Variants in NKIRAS1 observed in about 807,000 individuals in gnomAD.
The protein encoded by NKIRAS1 is NF-kappa-B inhibitor-interacting Ras-like protein 1.
A neutral mutation model predicts 19.8 loss-of-function variants in NKIRAS1; 16 were observed. That is an observed-to-expected ratio of 0.81 (90% CI 0.55 to 1.23). NKIRAS1 has a LOEUF of 1.23. Ranked by LOEUF, NKIRAS1 falls within the 50% of genes most tolerant of loss-of-function variation. NKIRAS1 has a pLI of 0.00. For synonymous variants in NKIRAS1, 88 were observed against 79.0 expected (o/e 1.11, Z -0.61); for missense variants, 184 against 220.0 (o/e 0.84, Z 1.04).
chr3:23,890,623 T>C lies in NKIRAS1; in HGVS notation c.*2472A>G, dbSNP rs535558556. On this transcript the variant is annotated 3_prime_UTR_variant, in exon 5 of 5. Coordinates refer to ENST00000425478, the MANE Select transcript of NKIRAS1 (RefSeq NM_020345.4). ...GCTACATAAATTGGGGTTTCACAAT[T>C]CTTACATTATTTGTCTGTCACAGAA... 6.2e-7 allele frequency: 1 copy of C among 1,610,456 alleles called. No homozygotes were observed. The highest frequency in any genetic ancestry group is 2.2e-5 in the East Asian group (1 of 44,766).
chr3:23,919,789 G>T, upstream of NKIRAS1: 1 of 1,108,422 alleles, frequency 9.0e-7, no homozygotes, highest in Non-Finnish European at 1.1e-6. Context: ...TAAAAGGAGA[G>T]AACTGAAACT....
upstream of NKIRAS1, chr3:23,919,076 A>G (rs1704905674): frequency 7.3e-6 from 5 of 681,710 alleles, no homozygotes; most frequent in Non-Finnish European, 1.3e-5. Context: ...CTTAGTAAAT[A>G]ACTTGAGTAG....
intron 4 of NKIRAS1, among the ~76,000 whole-genome samples, chr3:23,894,306 T>C (rs1193207047): frequency 6.6e-6 from 1 of 152,232 alleles, no homozygotes; most frequent in Non-Finnish European, 1.5e-5. Flanking sequence ...CAAAGGCCTC[T>C]CTGAGGAGCA....
intron 1 of NKIRAS1, among the ~76,000 whole-genome samples, chr3:23,925,122 G>A (rs1298567406): frequency 1.3e-5 from 2 of 152,182 alleles, no homozygotes; most frequent in Non-Finnish European, 2.9e-5. Flanking sequence ...CCAGTGCTTG[G>A]AAGGAGAGAG....
chr3:23,916,567 G>A (rs1487714707), intron 1 of NKIRAS1: 1 of 152,284 alleles, frequency 6.6e-6, no homozygotes, highest in Non-Finnish European at 1.5e-5. Flanking sequence ...ACGCAGTCTG[G>A]AGCTGAAGGG....
chr3:23,942,269 G>C (rs1300823714), intron 1 of NKIRAS1, among the ~76,000 whole-genome samples: 2 of 151,976 alleles, frequency 1.3e-5, no homozygotes, highest in African/African-American at 2.4e-5. Flanking sequence ...GTGAGCCACC[G>C]CGCCTGGCCT....
chr3:23,893,918 A>T (rs1701709786), intron 4 of NKIRAS1, among the ~76,000 whole-genome samples: 1 of 151,622 alleles, frequency 6.6e-6, no homozygotes, highest in Non-Finnish European at 1.5e-5. Context: ...TAGGATACAG[A>T]CTGGTTTCAA....
At chr3:23,925,658 A>AAATAAATG (rs1705200671) in intron 1 of NKIRAS1, among the ~76,000 whole-genome samples, 1 of 152,088 alleles carries the variant, frequency 6.6e-6, no homozygotes, top group Admixed American at 6.6e-5. Context: ...ATAAATAAAT[A>AAATAAATG]AATGTACTTT....
chr3:23,897,456 C>T (rs1435513593), intron 4 of NKIRAS1, among the ~76,000 whole-genome samples: 1 of 152,108 alleles, frequency 6.6e-6, no homozygotes, highest in Non-Finnish European at 1.5e-5. Flanking sequence ...TAAAACCAAA[C>T]ATGAAAATAA....
chr3:23,894,575 C>A (rs974350051), intron 4 of NKIRAS1, among the ~76,000 whole-genome samples: 2 of 151,954 alleles, frequency 1.3e-5, no homozygotes, highest in Non-Finnish European at 2.9e-5. Flanking sequence ...TGCAGAAACT[C>A]GTTCACTTTA....
upstream of NKIRAS1, chr3:23,917,812 A>G (rs768345275): frequency 4.5e-6 from 7 of 1,561,920 alleles, no homozygotes; most frequent in Non-Finnish European, 4.3e-6. Context: ...TATTGTACTT[A>G]AAGCGGATGA....
intron 4 of NKIRAS1, among the ~76,000 whole-genome samples, chr3:23,893,988 C>CA (rs1185934451): frequency 6.6e-6 from 1 of 151,800 alleles, no homozygotes; most frequent in African/African-American, 2.4e-5. Flanking sequence ...CATAGTACTT[C>CA]AAAACAAGAC....
At chr3:23,933,673 A>G (rs992258988) in intron 1 of NKIRAS1, among the ~76,000 whole-genome samples, 1 of 151,980 alleles carries the variant, frequency 6.6e-6, no homozygotes, top group Non-Finnish European at 1.5e-5. Context: ...CTGCTTTTTT[A>G]TACGTGCATT....
intron 3 of NKIRAS1, among the ~76,000 whole-genome samples, chr3:23,902,706 A>C (rs1489784201): frequency 6.6e-6 from 1 of 152,176 alleles, no homozygotes; most frequent in African/African-American, 2.4e-5. Context: ...CTAGTTCTCT[A>C]GATTTCCTCT....
At position 23,890,479 on chromosome 3, in the gene NKIRAS1, T is replaced by A. The variant is rs1553641297; in HGVS notation, c.*2616A>T. On this transcript the variant is annotated 3_prime_UTR_variant, in exon 5 of 5. Transcript: ENST00000425478. Reference sequence around the variant, plus strand: ...AAGTTTAAAATGTTCTTTTCCTTTCTCCAAAGTAATCTACATTCTTTTCTT... The same window carrying A: ...AAGTTTAAAATGTTCTTTTCCTTTCACCAAAGTAATCTACATTCTTTTCTT... 6.3e-7 allele frequency: 1 copy of A among 1,599,130 alleles called. No individual in the cohort carries two copies. The highest frequency in any genetic ancestry group is 1.1e-5 in the South Asian group (1 of 88,834).
At chr3:23,928,125 C>T (rs1030458345) in intron 1 of NKIRAS1, among the ~76,000 whole-genome samples, 2 of 148,356 alleles carry the variant, frequency 1.3e-5, no homozygotes, top group South Asian at 2.1e-4. Flanking sequence ...CACACACACA[C>T]ACATACACAC....
At chr3:23,925,637 A>AAAATAAATAAAT (rs146116439) in intron 1 of NKIRAS1, among the ~76,000 whole-genome samples, 167 of 151,452 alleles carry the variant, frequency 1.1e-3, no homozygotes, top group South Asian at 3.8e-3. Context: ...CTGTCTCAAA[A>AAAATAAATAAAT]AAATAAATAA....
chr3:23,929,728 C>G (rs1226363793), intron 1 of NKIRAS1, among the ~76,000 whole-genome samples: 2 of 152,108 alleles, frequency 1.3e-5, no homozygotes, highest in South Asian at 4.1e-4. Context: ...AGACATGAGC[C>G]CCTGCACCCA....
chr3:23,939,462 G>T (rs890076826), intron 1 of NKIRAS1, among the ~76,000 whole-genome samples: 5 of 152,216 alleles, frequency 3.3e-5, no homozygotes, highest in Non-Finnish European at 7.3e-5. Context: ...GGGAAACCAG[G>T]CCAGGAACGG....
Sources: gnomAD v4.1 joint callset for allele counts (sites outside exome capture counted in the v4.1 genomes callset) on GRCh38, gnomAD v4.1.1 for gene constraint, MANE v1.5 for transcripts, NCBI Gene and HGNC (gene_info 2026-07-23, HGNC 2026-07-21) for gene names.